Variants in SYNE1 observed in about 807,000 individuals in gnomAD.
SYNE1 encodes nesprin-1.
SYNE1 carries 616 observed loss-of-function variants against 1,111.0 expected under a neutral mutation model. That is an observed-to-expected ratio of 0.55 (90% CI 0.52 to 0.59). SYNE1 has a LOEUF of 0.59. Ranked by LOEUF, SYNE1 falls within the 20% of genes least tolerant of loss-of-function variation. The probability of loss-of-function intolerance (pLI) is 0.00; values close to 1 mark genes in which losing one functional copy is unlikely to be tolerated. For missense variants in SYNE1, 10,006 were observed against 10,417.0 expected (o/e 0.96, Z 1.72); for synonymous variants, 3,855 against 3,825.8 (o/e 1.01, Z -0.28).
At chr6:152,425,346 G>T in intron 39 of SYNE1, 35 bp downstream of exon 39, 1 of 1,603,034 alleles carries the variant, frequency 6.2e-7, no homozygotes, top group South Asian at 1.1e-5. Context: ...AAAAACAAAT[G>T]AACAATATTA....
chr6:152,388,407 C>T (rs1292293600), intron 53 of SYNE1, among the ~76,000 whole-genome samples: 3 of 152,142 alleles, frequency 2.0e-5, no homozygotes, highest in African/African-American at 7.2e-5. Flanking sequence ...GCCACCACGC[C>T]TGGCTAATTT....
chr6:152,204,686 C>A (rs1203714415), intron 126 of SYNE1, among the ~76,000 whole-genome samples: 1 of 152,112 alleles, frequency 6.6e-6, no homozygotes, highest in African/African-American at 2.4e-5. Context: ...ATTCCTCTTT[C>A]CAAGGATGAC....
At chr6:152,164,051 G>C in intron 131 of SYNE1, 112 bp downstream of exon 131, 1 of 1,443,888 alleles carries the variant, frequency 6.9e-7, no homozygotes, top group Non-Finnish European at 9.7e-7. Flanking sequence ...GTCCTGCCTA[G>C]CTCCCTGCTG....
Position 152,330,625 on chromosome 6 carries a change from A to G in SYNE1, c.14060T>C (p.Leu4687Pro). 1 of 1,613,576 alleles carries G rather than the reference A, an allele frequency of 6.2e-7. No individual in the cohort carries two copies. Among genetic ancestry groups the G allele is most frequent in the Non-Finnish European group, 8.5e-7 (1 of 1,180,002 alleles). Residue 4687 changes from leucine to proline, a missense_variant, in exon 78 of 146, where the codon CTG (leucine) becomes CCG (proline). Coordinates refer to ENST00000367255, the MANE Select transcript of SYNE1 (RefSeq NM_182961.4). Reference sequence around the variant, plus strand: ...CAAGAATTGGGCTTCAAGTTCACTCAGAGACTGGGTTGTCAACTCAATCAA... The same window carrying G: ...CAAGAATTGGGCTTCAAGTTCACTCGGAGACTGGGTTGTCAACTCAATCAA... ...ASLIELTTQS[L>P]SELEAQFLRM...
intron 3 of SYNE1, among the ~76,000 whole-genome samples, chr6:152,610,901 A>T (rs953476924): frequency 6.6e-6 from 1 of 152,224 alleles, no homozygotes; most frequent in African/African-American, 2.4e-5. Flanking sequence ...ACTAATCTTC[A>T]TAAGTTAAGG....
chr6:152,392,277 C>T (rs2097655216), intron 51 of SYNE1, among the ~76,000 whole-genome samples: 1 of 152,030 alleles, frequency 6.6e-6, no homozygotes, highest in African/African-American at 2.4e-5. Flanking sequence ...AAAAAATGTT[C>T]TTTCGAAAAG....
chr6:152,539,871 C>T, intron 4 of SYNE1, 89 bp downstream of exon 4: 1 of 1,377,998 alleles, frequency 7.3e-7, no homozygotes, highest in Non-Finnish European at 1.0e-6. Flanking sequence ...ACAGTGACAA[C>T]AGGGACAGAA....
At chr6:152,295,403 T>C (rs1004478712) in intron 93 of SYNE1, among the ~76,000 whole-genome samples, 1 of 152,178 alleles carries the variant, frequency 6.6e-6, no homozygotes. Context: ...TTTAGATCCA[T>C]TGATCCTCAC....
In SYNE1 at chr6:152,368,864, C is replaced by A. The variant is rs1489002008; in HGVS notation, c.9807+108G>T. 4 of 1,433,082 alleles carry A rather than the reference C, an allele frequency of 2.8e-6. No individual in the cohort carries two copies. The African/African-American group carries it at 4.2e-5, about 15-fold the overall frequency. 88.8% of individuals were successfully genotyped at this position (1,433,082 alleles called of 1,614,324 possible). A position where few individuals can be genotyped will look rare whatever the true frequency, so the allele number is the denominator to read the frequency against. On this transcript the variant is annotated intron_variant, in intron 61 of 145. Transcript: ENST00000367255. Reference sequence around the variant, plus strand: ...CGCCCCTTACTGCTGACCTGGAGACCCACACTGTGGGCGGGTCAGGATGCA... The same window carrying A: ...CGCCCCTTACTGCTGACCTGGAGACACACACTGTGGGCGGGTCAGGATGCA...
intron 51 of SYNE1, among the ~76,000 whole-genome samples, chr6:152,393,509 C>A (rs946479251): frequency 2.0e-5 from 3 of 151,512 alleles, no homozygotes; most frequent in Non-Finnish European, 1.5e-5. Flanking sequence ...TATTTTCTGG[C>A]ACTATACTAG....
chr6:152,521,663 T>C (rs571195503), intron 5 of SYNE1, among the ~76,000 whole-genome samples: 35 of 152,326 alleles, frequency 2.3e-4, no homozygotes, highest in African/African-American at 7.7e-4. Flanking sequence ...GAGTTTCTTC[T>C]GCAAAATGCC....
chr6:152,481,839 T>C (rs776798845), intron 14 of SYNE1, among the ~76,000 whole-genome samples: 19 of 151,054 alleles, frequency 1.3e-4, no homozygotes, highest in Non-Finnish European at 2.7e-4. Context: ...GCCCCCACTT[T>C]AGGGCACTAA....
intron 3 of SYNE1, among the ~76,000 whole-genome samples, chr6:152,547,715 C>T (rs539858372): frequency 6.6e-6 from 1 of 152,286 alleles, no homozygotes; most frequent in South Asian, 2.1e-4. Flanking sequence ...GTTGAAAACT[C>T]AGAAAGAGTT....
intron 44 of SYNE1, 143 bp from the exon 45 acceptor site, chr6:152,407,339 G>T: frequency 1.3e-6 from 1 of 798,184 alleles, no homozygotes; most frequent in Non-Finnish European, 2.1e-6. Flanking sequence ...AATCTAATAA[G>T]TGCACCCAAC....
In SYNE1 at chr6:152,140,231, A is replaced by G. The variant is rs560511624; in HGVS notation, c.25247-70T>C. The G allele has an allele frequency of 8.6e-5, 131 of 1,522,402 alleles. No homozygotes were observed. In the Admixed American group the frequency reaches 2.2e-3, roughly 25 times the overall value. The allele number at this position is 1,522,402 out of a possible 1,614,324, so 94.3% of individuals were successfully genotyped here. On this transcript the variant is annotated intron_variant, in intron 139 of 145. Transcript: ENST00000367255. ...GTGATGTTTATGAAATGCTTTAAAC[A>G]TAGGTTGGCAGCCAATTTTAAATAG...
chr6:152,437,363 C>T (rs2154217222), intron 32 of SYNE1, among the ~76,000 whole-genome samples: 1 of 152,224 alleles, frequency 6.6e-6, no homozygotes, highest in East Asian at 1.9e-4. Flanking sequence ...TTTTCAGGCT[C>T]TTTCATGTAA....
intron 88 of SYNE1, 33 bp downstream of exon 88, chr6:152,310,655 T>G (rs371882496): frequency 3.2e-5 from 51 of 1,610,404 alleles, no homozygotes; most frequent in Non-Finnish European, 4.1e-5. Context: ...TGATAGACAT[T>G]TTTTTCTGTT....
At chr6:152,482,073 AC>A (rs1328833287) in intron 14 of SYNE1, among the ~76,000 whole-genome samples, 3 of 151,932 alleles carry the variant, frequency 2.0e-5, no homozygotes, top group African/African-American at 7.3e-5. Context: ...TGGAGGCAGG[AC>A]CCTGAGTGAT....
At position 152,331,438 on chromosome 6, in the gene SYNE1, C is replaced by A. The variant is rs1418798099; in HGVS notation, c.13247G>T (p.Gly4416Val). The A allele has an allele frequency of 1.2e-6, 2 of 1,614,150 alleles. No homozygotes were observed. The highest frequency in any genetic ancestry group is 4.5e-5 in the East Asian group (2 of 44,880). Residue 4416 changes from glycine to valine, a missense_variant, in exon 78 of 146, where the codon GGT becomes GTT. This residue lies in a region of SYNE1 where 4,955 missense variants were observed against 5,017.2 expected (regional missense o/e 0.99). Transcript: ENST00000367255. ...CTGGATGACCTGTCGCTCATTGAGA[C>A]CAAGATCTGCCATGACCCTGTCTGC... ...KDADRVMADL[G>V]LNERQVIQKA...
Sources: gnomAD v4.1 joint callset for allele counts (sites outside exome capture counted in the v4.1 genomes callset) on GRCh38, gnomAD v4.1.1 for gene constraint, gnomAD v4.1.1 regional missense constraint, MANE v1.5 for transcripts, NCBI Gene and HGNC (gene_info 2026-07-23, HGNC 2026-07-21) for gene names.